The following TNFSF15 variants were observed in gnomAD, a reference collection of about 807,000 sequenced individuals.
The protein encoded by TNFSF15 is tumor necrosis factor ligand superfamily member 15.
TNFSF15 carries 15 observed loss-of-function variants against 26.4 expected under a neutral mutation model. That is an observed-to-expected ratio of 0.57 (90% CI 0.38 to 0.87). The LOEUF is 0.87. Ranked by LOEUF, TNFSF15 falls within the 40% of genes least tolerant of loss-of-function variation. TNFSF15 has a pLI of 0.00. For synonymous variants in TNFSF15, 116 were observed against 115.0 expected, an observed-to-expected ratio of 1.01 and a Z score of -0.06; for missense variants, 290 against 306.1, an observed-to-expected ratio of 0.95 and a Z score of 0.39.
chr9:114,802,671 T>C (rs909590244), intron 1 of TNFSF15, among the ~76,000 whole-genome samples: 1 of 152,206 alleles, frequency 6.6e-6, no homozygotes, highest in African/African-American at 2.4e-5. Context: ...TAGTTCTAGA[T>C]GGGTGACTCT....
intron 1 of TNFSF15, among the ~76,000 whole-genome samples, chr9:114,794,361 A>G (rs2131304090): frequency 6.6e-6 from 1 of 152,366 alleles, no homozygotes; most frequent in Non-Finnish European, 1.5e-5. Flanking sequence ...CTTAATAGCA[A>G]AAGTATGCTC....
chr9:114,790,678 A>G lies in TNFSF15; in HGVS notation c.530T>C (p.Ile177Thr). ...TGTTACCTTGGTGATGACCACAGTG[A>G]TGGAGTCTGGCTTGTTTGGTCGGCC... is the stretch of plus-strand genomic sequence containing the variant. ...QAGRPNKPDS[I>T]TVVITKVTDS... Residue 177 changes from isoleucine to threonine, a missense_variant, in exon 4 of 4, where the codon ATC becomes ACC. Ile to Thr is a moderately conservative substitution (Grantham distance 89). Around this residue, in one of 3 missense-constraint regions of TNFSF15, gnomAD observed 102 missense variants for 114.7 expected, o/e 0.89. Coordinates refer to ENST00000374045, the MANE Select transcript of TNFSF15 (RefSeq NM_005118.4). 4 of 1,614,020 alleles carry G rather than the reference A, an allele frequency of 2.5e-6. No homozygotes were observed. The highest frequency in any genetic ancestry group is 2.5e-6 in the Non-Finnish European group (3 of 1,180,004).
At chr9:114,801,350 T>TGC (rs1829745178) in intron 1 of TNFSF15, among the ~76,000 whole-genome samples, 1 of 152,020 alleles carries the variant, frequency 6.6e-6, no homozygotes, top group South Asian at 2.1e-4. Flanking sequence ...GGCTGTCAAG[T>TGC]GCAGCTGGGT....
At chr9:114,799,197 C>T (rs556359724) in intron 1 of TNFSF15, among the ~76,000 whole-genome samples, 4 of 152,232 alleles carry the variant, frequency 2.6e-5, no homozygotes, top group Non-Finnish European at 5.9e-5. Flanking sequence ...GAAATCCCAG[C>T]TCCATTATTT....
Position 114,790,484 on chromosome 9 carries a change from C to A in TNFSF15, c.724G>T (p.Asp242Tyr). ...AAGAAGGCTCCAAAGAAGGTTTTAT[C>A]TTCTTTTGTGTAATCCACCAAAGAG... is the stretch of plus-strand genomic sequence containing the variant. ...DISLVDYTKEDKTFFGAFLL is the reference protein window; with the variant it reads ...DISLVDYTKEYKTFFGAFLL The change falls in exon 4 of 4, where the codon GAT (aspartate) becomes TAT (tyrosine). Residue 242 changes from aspartate to tyrosine, a missense_variant. Asp to Tyr is a radical substitution (Grantham distance 160, BLOSUM62 -3). Coordinates refer to ENST00000374045, the MANE Select transcript of TNFSF15 (RefSeq NM_005118.4). 1 of 1,612,002 alleles carries A rather than the reference C, an allele frequency of 6.2e-7. No individual in the cohort carries two copies. The highest frequency in any genetic ancestry group is 8.5e-7 in the Non-Finnish European group (1 of 1,178,884).
rs1013242698 is a variant in TNFSF15, at chr9:114,792,583, A to C, written c.254-129T>G. 1.8e-5 allele frequency: 28 copies of C among 1,538,678 alleles called. No individual in the cohort carries two copies. The African/African-American group carries it at 3.6e-4, about 20-fold the overall frequency. On this transcript the variant is annotated intron_variant, in intron 2 of 3. Transcript: ENST00000374045. ...ATCTCCTCCAGCTTGGTCCAGTGCC[A>C]CTCCTTGCAGGATTTTGGATTGGAA...
At chr9:114,792,616 C>T in intron 2 of TNFSF15, 162 bp from the exon 3 acceptor site, 1 of 1,477,824 alleles carries the variant, frequency 6.8e-7, no homozygotes, top group Non-Finnish European at 9.0e-7. Context: ...GAATGTGGCA[C>T]CCGCAGCAAG....
chr9:114,793,544 G>C lies in TNFSF15; in HGVS notation c.235C>G (p.Pro79Ala), dbSNP rs753461731. ...FQALKGQEFA[P>A]SHQQVYAPLR... ...TACTTACAAACTTGCTGATGTGAAG[G>C]TGCAAACTCCTGTCCTTTTAGAGCC... Residue 79 changes from proline (P) to alanine (A), a missense_variant, in exon 2 of 4, where the codon CCT becomes GCT. Pro to Ala is a conservative substitution (Grantham distance 27). Around this residue, in one of 3 missense-constraint regions of TNFSF15, gnomAD observed 179 missense variants for 165.9 expected, o/e 1.08. Transcript: ENST00000374045. 4.2e-5 allele frequency: 67 copies of C among 1,613,772 alleles called. No homozygotes were observed. The highest frequency in any genetic ancestry group is 5.3e-5 in the Non-Finnish European group (63 of 1,179,822).
At chr9:114,804,461 T>C (rs1308959180) in intron 1 of TNFSF15, among the ~76,000 whole-genome samples, 2 of 152,190 alleles carry the variant, frequency 1.3e-5, no homozygotes, top group African/African-American at 4.8e-5. Context: ...CGTGGGAACC[T>C]GTCATGCCTC....
chr9:114,805,066 A>G (rs1416165735), intron 1 of TNFSF15, among the ~76,000 whole-genome samples: 1 of 152,082 alleles, frequency 6.6e-6, no homozygotes, highest in South Asian at 2.1e-4. Context: ...CGCTGCCCCT[A>G]CCATTGTTCT....
intron 1 of TNFSF15, among the ~76,000 whole-genome samples, chr9:114,804,658 C>T (rs553866818): frequency 3.3e-4 from 50 of 152,314 alleles, no homozygotes; most frequent in African/African-American, 1.1e-3. Flanking sequence ...CCATGACCTG[C>T]GGTTCTTCTT....
chr9:114,801,012 C>T (rs1394274755), intron 1 of TNFSF15, among the ~76,000 whole-genome samples: 2 of 152,024 alleles, frequency 1.3e-5, no homozygotes, highest in Non-Finnish European at 2.9e-5. Flanking sequence ...TTGGAGGGAA[C>T]CAAGGAGAAT....
intron 1 of TNFSF15, among the ~76,000 whole-genome samples, chr9:114,804,463 T>C (rs1174672626): frequency 1.3e-5 from 2 of 152,312 alleles, no homozygotes; most frequent in East Asian, 3.9e-4. Context: ...TGGGAACCTG[T>C]CATGCCTCTG....
At chr9:114,804,948 G>A (rs1587903270) in intron 1 of TNFSF15, among the ~76,000 whole-genome samples, 1 of 152,172 alleles carries the variant, frequency 6.6e-6, no homozygotes, top group South Asian at 2.1e-4. Context: ...CATAGATTAT[G>A]AAGGGACATT....
rs1829566349 is a variant in TNFSF15 at position 114,789,891 on chromosome 9, G to A, written c.*561C>T. The A allele has an allele frequency of 6.6e-6, 1 of 152,650 alleles. No individual in the cohort carries two copies. Among genetic ancestry groups the A allele is most frequent in the African/African-American group, 2.4e-5 (1 of 41,436 alleles). 9.5% of individuals were successfully genotyped at this position (152,650 alleles called of 1,614,324 possible). On this transcript the variant is annotated 3_prime_UTR_variant, in exon 4 of 4. Coordinates refer to ENST00000374045, the MANE Select transcript of TNFSF15 (RefSeq NM_005118.4). ...TTTTCTCATATGCTGTAGATGACAT[G>A]AAAACCAACTCCTTCTGTGTGAACA...
In TNFSF15 at chr9:114,790,670, C is replaced by A. The variant is rs1829582026; in HGVS notation, c.538G>T (p.Val180Phe). The part of the protein sequence containing the change: ...RPNKPDSITV[V>F]ITKVTDSYPE... ...TAGCTGTCTGTTACCTTGGTGATGA[C>A]CACAGTGATGGAGTCTGGCTTGTTT... The change falls in exon 4 of 4, where the codon GTC becomes TTC. Residue 180 changes from valine to phenylalanine, a missense_variant. This residue lies in a region of TNFSF15 where 102 missense variants were observed against 114.7 expected (regional missense o/e 0.89). Coordinates refer to ENST00000374045, the MANE Select transcript of TNFSF15 (RefSeq NM_005118.4). 3 of 1,613,890 alleles carry A rather than the reference C, an allele frequency of 1.9e-6. No individual in the cohort carries two copies. The highest frequency in any genetic ancestry group is 2.5e-6 in the Non-Finnish European group (3 of 1,179,994).
At chr9:114,798,070 CA>C (rs1829692971) in intron 1 of TNFSF15, among the ~76,000 whole-genome samples, 1 of 152,182 alleles carries the variant, frequency 6.6e-6, no homozygotes, top group Non-Finnish European at 1.5e-5. Flanking sequence ...CTAGGAAAGA[CA>C]ACTTTTTGTT....
At chr9:114,799,950 C>T (rs770154463) in intron 1 of TNFSF15, among the ~76,000 whole-genome samples, 4 of 152,162 alleles carry the variant, frequency 2.6e-5, no homozygotes, top group Non-Finnish European at 5.9e-5. Flanking sequence ...GCTGGTGCTT[C>T]CTGAGGTTAT....
Position 114,786,622 on chromosome 9 carries a change from A to T in TNFSF15, c.*3830T>A, listed in dbSNP as rs1215866630. 6.6e-6 allele frequency: 1 copy of T among 152,284 alleles called. No homozygotes were observed. Among genetic ancestry groups the T allele is most frequent in the Non-Finnish European group, 1.5e-5 (1 of 68,030 alleles). 9.4% of individuals were successfully genotyped at this position (152,284 alleles called of 1,614,324 possible). A position where few individuals can be genotyped will look rare whatever the true frequency, so the allele number is the denominator to read the frequency against. ...TTTCTTACTGTACCTTAGTAAAAAAAAAATCAGAGTCCGGGCACAGTGGCT... is the reference window on the plus strand; with the variant it reads ...TTTCTTACTGTACCTTAGTAAAAAATAAATCAGAGTCCGGGCACAGTGGCT... On this transcript the variant is annotated 3_prime_UTR_variant, in exon 4 of 4. Transcript: ENST00000374045.
Sources: allele counts gnomAD v4.1 joint callset (sites outside exome capture counted in the v4.1 genomes callset), GRCh38; gene constraint gnomAD v4.1.1; regional missense constraint gnomAD v4.1.1; transcripts MANE v1.5; gene names NCBI Gene and HGNC (gene_info 2026-07-23, HGNC 2026-07-21).